GNAQ: variants seen among roughly 807,000 people sequenced by gnomAD.
GNAQ encodes G protein subunit alpha q.
A neutral mutation model predicts 43.9 loss-of-function variants in GNAQ; 8 were observed. The observed-to-expected ratio is 0.18, with a 90% confidence interval of 0.11 to 0.33. The LOEUF (loss-of-function observed/expected upper bound fraction) is 0.33. Ranked by LOEUF, GNAQ falls within the 10% of genes least tolerant of loss-of-function variation. GNAQ has a pLI of 1.00. For synonymous variants in GNAQ, 155 were observed against 170.7 expected (o/e 0.91, Z 0.71); for missense variants, 158 against 450.8 (o/e 0.35, Z 5.88).
chr9:77,744,233 T>C (rs900597072), intron 5 of GNAQ, among the ~76,000 whole-genome samples: 2 of 152,180 alleles, frequency 1.3e-5, no homozygotes, highest in African/African-American at 4.8e-5. Context: ...AGGCTCGCAC[T>C]TTGCACTGAG....
At chr9:77,779,691 A>C (rs1453139074) in intron 5 of GNAQ, among the ~76,000 whole-genome samples, 2 of 150,696 alleles carry the variant, frequency 1.3e-5, no homozygotes, top group Admixed American at 6.6e-5. Flanking sequence ...AAAAAAAAAA[A>C]AAAAAAAAAA....
At chr9:77,796,922 A>G (rs1826667832) in intron 4 of GNAQ, among the ~76,000 whole-genome samples, 1 of 152,354 alleles carries the variant, frequency 6.6e-6, no homozygotes, top group East Asian at 1.9e-4. Flanking sequence ...ATTACAGTTA[A>G]GACCAATGGT....
chr9:77,722,814 G>A (rs1825337773), intron 6 of GNAQ, among the ~76,000 whole-genome samples: 1 of 151,828 alleles, frequency 6.6e-6, no homozygotes, highest in Non-Finnish European at 1.5e-5. Flanking sequence ...CACCAAGCCT[G>A]GCTAATTTTT....
chr9:77,909,819 G>A (rs1458065919), intron 2 of GNAQ, among the ~76,000 whole-genome samples: 1 of 152,006 alleles, frequency 6.6e-6, no homozygotes, highest in Non-Finnish European at 1.5e-5. Flanking sequence ...CATTTATACG[G>A]GAAAAGCCAA....
At position 77,879,878 on chromosome 9, in the gene GNAQ, T is replaced by C. The variant is rs548429865; in HGVS notation, c.321+42283A>G. ...ATTCTGCCCTTTGGGTTCTGAAATG[T>C]GGCGAGGCTTGAAAATCCCAGTTAG... On this transcript the variant is annotated intron_variant, in intron 2 of 6. Coordinates refer to ENST00000286548, the MANE Select transcript of GNAQ (RefSeq NM_002072.5). Among the ~76,000 whole-genome samples, 31 of 152,314 alleles carry C rather than the reference T, an allele frequency of 2.0e-4. 1 individual carries two copies. The South Asian group carries it at 6.2e-3, about 31-fold the overall frequency.
At chr9:77,972,480 T>C (rs1823248232) in intron 1 of GNAQ, among the ~76,000 whole-genome samples, 1 of 152,074 alleles carries the variant, frequency 6.6e-6, no homozygotes, top group Non-Finnish European at 1.5e-5. Context: ...ATTCAGTAAA[T>C]GGGCTTCATA....
chr9:77,756,447 T>C (rs1348561606), intron 5 of GNAQ, among the ~76,000 whole-genome samples: 1 of 152,230 alleles, frequency 6.6e-6, no homozygotes, highest in African/African-American at 2.4e-5. Flanking sequence ...AGGAGAATTA[T>C]AGCCAGAGAA....
At chr9:77,736,957 T>C (rs961200111) in intron 5 of GNAQ, among the ~76,000 whole-genome samples, 1 of 152,244 alleles carries the variant, frequency 6.6e-6, no homozygotes, top group African/African-American at 2.4e-5. Flanking sequence ...CTATGTGCCA[T>C]ACTTTACGCT....
At position 77,900,147 on chromosome 9, in the gene GNAQ, C is replaced by A. The variant is rs763849741; in HGVS notation, c.321+22014G>T. Among the ~76,000 whole-genome samples, 3 of 152,160 alleles carry A rather than the reference C, an allele frequency of 2.0e-5. No individual in the cohort carries two copies. In the South Asian group the frequency reaches 6.2e-4, roughly 31 times the overall value. On this transcript the variant is annotated intron_variant, in intron 2 of 6. Transcript: ENST00000286548. ...CCTGGAGTCTTTGAGATATCTAAGA[C>A]TGCTGAGCTGTTCTCATACTTGTGG...
intron 5 of GNAQ, among the ~76,000 whole-genome samples, chr9:77,759,987 T>A: frequency 6.7e-6 from 1 of 149,508 alleles, no homozygotes; most frequent in Non-Finnish European, 1.5e-5. Flanking sequence ...CTCAAACCCC[T>A]GGGCACAAAG....
At chr9:77,933,601 T>C (rs1171960831) in intron 1 of GNAQ, among the ~76,000 whole-genome samples, 1 of 151,252 alleles carries the variant, frequency 6.6e-6, no homozygotes, top group East Asian at 1.9e-4. Context: ...CCTGAGATTG[T>C]ACCACTGCAC....
At chr9:77,735,739 T>C (rs745392793) in intron 5 of GNAQ, among the ~76,000 whole-genome samples, 1 of 152,162 alleles carries the variant, frequency 6.6e-6, no homozygotes, top group Non-Finnish European at 1.5e-5. Context: ...TGTATGGAAA[T>C]GTGCTCCAGA....
intron 5 of GNAQ, among the ~76,000 whole-genome samples, chr9:77,760,819 C>T (rs1006911769): frequency 6.0e-5 from 9 of 150,108 alleles, no homozygotes; most frequent in South Asian, 2.1e-4. Flanking sequence ...TCTGCCCAGC[C>T]GCCCATCGTC....
intron 1 of GNAQ, among the ~76,000 whole-genome samples, chr9:77,936,455 A>G (rs1829233379): frequency 6.6e-6 from 1 of 152,188 alleles, no homozygotes; most frequent in Admixed American, 6.5e-5. Flanking sequence ...AACGATCAGA[A>G]ACCAACTGTC....
intron 5 of GNAQ, among the ~76,000 whole-genome samples, chr9:77,792,534 G>T (rs1172968323): frequency 1.3e-5 from 2 of 152,090 alleles, no homozygotes; most frequent in South Asian, 2.1e-4. Context: ...TGGAATAAAT[G>T]ATCTGTAATG....
Position 77,735,839 on chromosome 9 carries a change from GCT to G in GNAQ, c.736-7174_736-7173del, listed in dbSNP as rs749721467. Among the ~76,000 whole-genome samples, 8 of 152,248 alleles carry G rather than the reference GCT, an allele frequency of 5.3e-5. No homozygotes were observed. The East Asian group carries it at 7.7e-4, about 15-fold the overall frequency. On this transcript the variant is annotated intron_variant, in intron 5 of 6. Transcript: ENST00000286548. ...AGCTAGGGACCTCAGTGGAAACATGGCTCTGTTTCAAATACTCTCCGTGTCCT... is the reference window on the plus strand; with the variant it reads ...AGCTAGGGACCTCAGTGGAAACATGGCTGTTTCAAATACTCTCCGTGTCCT...
intron 1 of GNAQ, among the ~76,000 whole-genome samples, chr9:77,944,788 A>G (rs1428709088): frequency 6.6e-6 from 1 of 152,248 alleles, no homozygotes; most frequent in African/African-American, 2.4e-5. Flanking sequence ...CTGTGATTCC[A>G]TAATTACCTG....
At chr9:77,744,411 G>C (rs1825699496) in intron 5 of GNAQ, among the ~76,000 whole-genome samples, 1 of 152,000 alleles carries the variant, frequency 6.6e-6, no homozygotes, top group African/African-American at 2.4e-5. Flanking sequence ...CCTTTTTCCT[G>C]GGCACTTATA....
At chr9:77,787,360 A>T (rs1326770641) in intron 5 of GNAQ, among the ~76,000 whole-genome samples, 1 of 152,186 alleles carries the variant, frequency 6.6e-6, no homozygotes, top group Non-Finnish European at 1.5e-5. Context: ...CTGTTTCTTG[A>T]CAGGGGTGTT....
Sources: allele counts gnomAD v4.1 joint callset (sites outside exome capture counted in the v4.1 genomes callset), GRCh38; gene constraint gnomAD v4.1.1; transcripts MANE v1.5; gene names NCBI Gene and HGNC (gene_info 2026-07-23, HGNC 2026-07-21).